PCDHGB3: variants seen among roughly 807,000 people sequenced by gnomAD.
PCDHGB3 encodes the protein protocadherin gamma subfamily B, 3, also known as protocadherin gamma-B3.
Under a neutral mutation model 59.2 loss-of-function variants are expected in PCDHGB3, and 40 were observed. That is an observed-to-expected ratio of 0.68 (90% CI 0.52 to 0.88). The LOEUF is 0.88. Among genes scored for constraint, PCDHGB3 ranks in the 40% least tolerant of loss-of-function variants. The pLI, the probability that PCDHGB3 is intolerant of heterozygous loss-of-function variation, is 0.00. For missense variants in PCDHGB3, 1,309 were observed against 1,187.9 expected (o/e 1.10, Z -1.50); for synonymous variants, 581 against 503.6 (o/e 1.15, Z -2.06).
intron 1 of PCDHGB3, among the ~76,000 whole-genome samples, chr5:141,450,082 C>T (rs2098668421): frequency 6.8e-6 from 1 of 147,384 alleles, no homozygotes. Context: ...TCTTGGCTCA[C>T]TGCAACCTCC....
intron 1 of PCDHGB3, chr5:141,398,208 G>C (rs898628305): frequency 1.3e-6 from 2 of 1,486,802 alleles, no homozygotes; most frequent in Non-Finnish European, 9.0e-7. Context: ...TGTTCTGCCC[G>C]GCGCTCTGTG....
At position 141,425,713 on chromosome 5, in the gene PCDHGB3, C is replaced by T. The variant is rs191037499; in HGVS notation, c.2415+52904C>T. 3.9e-4 allele frequency among the ~76,000 whole-genome samples: 60 copies of T among 152,312 alleles called. No homozygotes were observed. In the East Asian group the frequency reaches 6.7e-3, roughly 17 times the overall value. On this transcript the variant is annotated intron_variant, in intron 1 of 3. Transcript: ENST00000576222. ...CATTTCATAGTGGTCAAAATTTTCC[C>T]ATACCACTTGATGGGGATGTTTTCC...
At chr5:141,413,622 T>C (rs1561743710) in intron 1 of PCDHGB3, 2 of 1,613,760 alleles carry the variant, frequency 1.2e-6, no homozygotes, top group Non-Finnish European at 1.7e-6. Flanking sequence ...TTAATGAAAA[T>C]GTCGCTGCGG....
At chr5:141,473,205 A>G (rs370808895) in intron 1 of PCDHGB3, among the ~76,000 whole-genome samples, 1 of 152,036 alleles carries the variant, frequency 6.6e-6, no homozygotes, top group African/African-American at 2.4e-5. Flanking sequence ...CTTCTAAAAA[A>G]TGCTTACTTC....
In PCDHGB3 at chr5:141,382,880, G is replaced by C. The variant is rs959397097; in HGVS notation, c.2415+10071G>C. The C allele has an allele frequency of 5.2e-6, 8 of 1,526,962 alleles. No homozygotes were observed. The African/African-American group carries it at 5.6e-5, about 11-fold the overall frequency. The allele number at this position is 1,526,962 out of a possible 1,614,324, so 94.6% of individuals were successfully genotyped here. ...AGCACTTCCCGAGATCGGCGCCTAA[G>C]CAAGAGAAGCAGGACGACTATGGCG... On this transcript the variant is annotated intron_variant, in intron 1 of 3. Transcript: ENST00000576222.
intron 1 of PCDHGB3, chr5:141,404,714 G>T (rs776337117): frequency 6.2e-7 from 1 of 1,614,068 alleles, no homozygotes; most frequent in Non-Finnish European, 8.5e-7. Context: ...TGGCTACCTG[G>T]TGACCAAGGT....
rs1283050252 is a variant in PCDHGB3, at chr5:141,512,909, T to G, written c.*1736T>G. ...CCTCTTCCTGTGTCTCACGCAAGTT[T>G]TATACTCTAATATTTATATGGCTTT... On this transcript the variant is annotated 3_prime_UTR_variant, in exon 4 of 4. Coordinates refer to ENST00000576222, the MANE Select transcript of PCDHGB3 (RefSeq NM_018924.5). 6.6e-6 allele frequency: 1 copy of G among 152,268 alleles called. No homozygotes were observed. The highest frequency in any genetic ancestry group is 1.5e-5 in the Non-Finnish European group (1 of 68,056). 9.4% of individuals were successfully genotyped at this position (152,268 alleles called of 1,614,324 possible).
At chr5:141,379,301 T>C (rs1454001720) in intron 1 of PCDHGB3, 1 of 152,244 alleles carries the variant, frequency 6.6e-6, no homozygotes, top group East Asian at 1.9e-4. Context: ...CAAAGGTATA[T>C]ACCTAAACAA....
intron 1 of PCDHGB3, chr5:141,398,999 A>C: frequency 6.2e-7 from 1 of 1,613,964 alleles, no homozygotes; most frequent in East Asian, 2.2e-5. Context: ...TTTAGTCTGA[A>C]TTCAAAGAGC....
At chr5:141,393,569 T>C (rs1227543853) in intron 1 of PCDHGB3, 1 of 1,613,918 alleles carries the variant, frequency 6.2e-7, no homozygotes, top group South Asian at 1.1e-5. Context: ...TGAAAGTCCT[T>C]GAGAACATGC....
chr5:141,418,696 T>C, intron 1 of PCDHGB3: 1 of 1,614,034 alleles, frequency 6.2e-7, no homozygotes, highest in Non-Finnish European at 8.5e-7. Context: ...AGATCACTTA[T>C]TCCTTCTTTG....
At chr5:141,413,844 C>A in intron 1 of PCDHGB3, 2 of 1,613,254 alleles carry the variant, frequency 1.2e-6, no homozygotes, top group Non-Finnish European at 1.7e-6. Context: ...ACGGGGGTGA[C>A]CCTCTCCGAT....
Position 141,371,268 on chromosome 5 carries a change from T to C in PCDHGB3, c.874T>C (p.Phe292Leu), listed in dbSNP as rs757493247. 6.2e-7 allele frequency: 1 copy of C among 1,614,026 alleles called. No individual in the cohort carries two copies. The highest frequency in any genetic ancestry group is 8.5e-7 in the Non-Finnish European group (1 of 1,179,902). ...INIGKEVRQL[F>L]KLDSKTGELT... is the part of the protein sequence containing the mutation. ...TATTGGCAAGGAAGTGAGACAACTG[T>C]TCAAGCTGGACAGTAAAACGGGGGA... Residue 292 changes from phenylalanine (F) to leucine (L), a missense_variant, in exon 1 of 4, where the codon TTC (phenylalanine) becomes CTC (leucine). Transcript: ENST00000576222.
At chr5:141,482,570 C>A (rs2099568543) in intron 1 of PCDHGB3, among the ~76,000 whole-genome samples, 1 of 144,954 alleles carries the variant, frequency 6.9e-6, no homozygotes, top group African/African-American at 2.6e-5. Context: ...ATCTGCATAG[C>A]ATAAGATGCA....
At position 141,393,264 on chromosome 5, in the gene PCDHGB3, C is replaced by G. The variant is rs537186931; in HGVS notation, c.2415+20455C>G. The G allele has an allele frequency of 1.1e-4, 170 of 1,613,916 alleles. 3 individuals carry two copies. The South Asian group carries it at 1.8e-3, about 17-fold the overall frequency. On this transcript the variant is annotated intron_variant, in intron 1 of 3. Coordinates refer to ENST00000576222, the MANE Select transcript of PCDHGB3 (RefSeq NM_018924.5). ...TAACGAAATCGCGGTTCCTGGAGCA[C>G]GTTATCCACTCCCAGAAGCTGTTGA...
intron 1 of PCDHGB3, among the ~76,000 whole-genome samples, chr5:141,470,205 G>T (rs934926584): frequency 6.6e-6 from 1 of 152,094 alleles, no homozygotes; most frequent in Non-Finnish European, 1.5e-5. Flanking sequence ...AAATATGAAG[G>T]CTAAACCATT....
At chr5:141,419,394 G>A (rs778450240) in intron 1 of PCDHGB3, 2 of 1,613,612 alleles carry the variant, frequency 1.2e-6, no homozygotes, top group East Asian at 2.2e-5. Flanking sequence ...GCGCAGAGCG[G>A]GGTGGTGTTC....
rs1771007417 is a variant in PCDHGB3, at chr5:141,374,980, A to G, written c.2415+2171A>G. ...TTTTCTGTTTGAATGTTTTGACTGG[A>G]GAAATTTCAACTTCTGCAAATCTAG... On this transcript the variant is annotated intron_variant, in intron 1 of 3. Transcript: ENST00000576222. 3 of 1,613,920 alleles carry G rather than the reference A, an allele frequency of 1.9e-6. No homozygotes were observed. The Admixed American group carries it at 5.0e-5, about 27-fold the overall frequency.
In PCDHGB3 at chr5:141,485,556, A is replaced by T; in HGVS notation, c.2416-9251A>T. On this transcript the variant is annotated intron_variant, in intron 1 of 3. Coordinates refer to ENST00000576222, the MANE Select transcript of PCDHGB3 (RefSeq NM_018924.5). This position sits in a 1 kb window ranked among gnomAD's most constrained non-coding sequence, Gnocchi z 5.7. ...GAGGTAGAGATCGTAGATGTGAATG[A>T]TCACGCCCCCCGTTTTCCGCGGCAG... is the stretch of plus-strand genomic sequence containing the variant. The T allele has an allele frequency of 6.2e-7, 1 of 1,613,664 alleles. No homozygotes were observed. Among genetic ancestry groups the T allele is most frequent in the Non-Finnish European group, 8.5e-7 (1 of 1,179,644 alleles).
Sources: gnomAD v4.1 joint callset for allele counts (sites outside exome capture counted in the v4.1 genomes callset) on GRCh38, gnomAD v4.1.1 for gene constraint, Gnocchi (gnomAD v3.1) non-coding constraint, MANE v1.5 for transcripts, NCBI Gene and HGNC (gene_info 2026-07-23, HGNC 2026-07-21) for gene names.